The following TNIK variants were observed in gnomAD, a reference collection of about 807,000 sequenced individuals.
TNIK encodes the protein TRAF2 and NCK-interacting protein kinase.
In TNIK, 49 loss-of-function variants were observed where a neutral mutation model predicts 191.3. The observed-to-expected ratio is 0.26, with a 90% CI of 0.20 to 0.32. The LOEUF is 0.32. Among genes scored for constraint, TNIK ranks in the 10% least tolerant of loss-of-function variants. The pLI is 1.00. For synonymous variants in TNIK, 594 were observed against 600.9 expected, an observed-to-expected ratio of 0.99 and a Z score of 0.17; for missense variants, 1,155 against 1,702.3, an observed-to-expected ratio of 0.68 and a Z score of 5.66.
chr3:171,087,387 C>G lies in TNIK; in HGVS notation c.2841G>C (p.Leu947=). 2 of 1,613,992 alleles carry G rather than the reference C, an allele frequency of 1.2e-6. No individual in the cohort carries two copies. Among genetic ancestry groups the G allele is most frequent in the Non-Finnish European group, 1.7e-6 (2 of 1,179,888 alleles). Residue 947 remains leucine (L), a synonymous_variant, in exon 24 of 33, where the codon CTG becomes CTC. Coordinates refer to ENST00000436636, the MANE Select transcript of TNIK (RefSeq NM_015028.4). ...CCTGGGAATGGGTTGAGACGCGCCC[C>G]AGTCCCTCAGTCGGGGTTCCAGCTG... ...HSPAGTPTEG[L]GRVSTHSQEM...
At chr3:171,382,736 C>T (rs1023171838) in intron 1 of TNIK, among the ~76,000 whole-genome samples, 83 of 152,130 alleles carry the variant, frequency 5.5e-4, no homozygotes, top group African/African-American at 2.0e-3. Context: ...TAGTCTGGTA[C>T]TTGGATAGCT....
At chr3:171,394,613 A>G (rs1719993929) in intron 1 of TNIK, among the ~76,000 whole-genome samples, 1 of 152,220 alleles carries the variant, frequency 6.6e-6, no homozygotes, top group Admixed American at 6.5e-5. Context: ...AACAAACCTT[A>G]TGACATCTCA....
intron 11 of TNIK, among the ~76,000 whole-genome samples, chr3:171,158,600 AAC>A (rs1733541145): frequency 6.6e-6 from 1 of 152,188 alleles, no homozygotes; most frequent in African/African-American, 2.4e-5. Context: ...AAATCTATTA[AAC>A]ACATATTTAC....
chr3:171,266,737 A>G (rs1748446789), intron 2 of TNIK, among the ~76,000 whole-genome samples: 1 of 152,206 alleles, frequency 6.6e-6, no homozygotes, highest in African/African-American at 2.4e-5. Flanking sequence ...ATCTGAAAAA[A>G]TTATAGAGTG....
chr3:171,113,860 G>A (rs1726254458), intron 18 of TNIK, among the ~76,000 whole-genome samples: 1 of 151,788 alleles, frequency 6.6e-6, no homozygotes, highest in Admixed American at 6.6e-5. Flanking sequence ...TGCTTTGCCT[G>A]CGTTGAGCAC....
At chr3:171,244,601 T>C (rs1324574344) in intron 2 of TNIK, among the ~76,000 whole-genome samples, 1 of 152,086 alleles carries the variant, frequency 6.6e-6, no homozygotes, top group Non-Finnish European at 1.5e-5. Flanking sequence ...TCTGGTCACA[T>C]ACTATTTCTA....
chr3:171,341,988 T>C (rs1050495107), intron 2 of TNIK, among the ~76,000 whole-genome samples: 2 of 152,228 alleles, frequency 1.3e-5, no homozygotes, highest in Admixed American at 6.5e-5. Context: ...ATTTTTATTA[T>C]GAAGAAAACC....
chr3:171,427,649 G>A (rs571233830), intron 1 of TNIK, among the ~76,000 whole-genome samples: 1 of 152,114 alleles, frequency 6.6e-6, no homozygotes, highest in East Asian at 1.9e-4. Context: ...GCTTTCTCTC[G>A]CATTAGTTAA....
chr3:171,251,232 C>T (rs1436223341), intron 2 of TNIK, among the ~76,000 whole-genome samples: 1 of 152,080 alleles, frequency 6.6e-6, no homozygotes, highest in African/African-American at 2.4e-5. Context: ...CAACAGAGAC[C>T]GGGACACAGA....
intron 18 of TNIK, among the ~76,000 whole-genome samples, chr3:171,120,052 A>C (rs1385479609): frequency 6.6e-6 from 1 of 152,220 alleles, no homozygotes; most frequent in Non-Finnish European, 1.5e-5. Context: ...AAGGATATTC[A>C]AAATAGTAAA....
In TNIK at chr3:171,334,983, T is replaced by C. The variant is rs566458173; in HGVS notation, c.123+34637A>G. Reference sequence around the variant, plus strand: ...GTCATTTGAAGTGACTTTCAGAGTCTTCAGAGATACAAATAAACAATGCAC... The same window carrying C: ...GTCATTTGAAGTGACTTTCAGAGTCCTCAGAGATACAAATAAACAATGCAC... On this transcript the variant is annotated intron_variant, in intron 2 of 32. Coordinates refer to ENST00000436636, the MANE Select transcript of TNIK (RefSeq NM_015028.4). 2.0e-5 allele frequency among the ~76,000 whole-genome samples: 3 copies of C among 150,798 alleles called. No homozygotes were observed. In the South Asian group the frequency reaches 6.3e-4, roughly 32 times the overall value.
At chr3:171,219,063 T>C (rs1270757204) in intron 3 of TNIK, among the ~76,000 whole-genome samples, 1 of 51,964 alleles carries the variant, frequency 1.9e-5, no homozygotes, top group African/African-American at 1.2e-4. Flanking sequence ...ATATAATATA[T>C]TAAATATATA....
intron 18 of TNIK, among the ~76,000 whole-genome samples, chr3:171,118,180 C>T (rs1727064521): frequency 6.6e-6 from 1 of 152,154 alleles, no homozygotes; most frequent in Non-Finnish European, 1.5e-5. Context: ...AGTGAACTCC[C>T]ATTCACAATT....
intron 2 of TNIK, among the ~76,000 whole-genome samples, chr3:171,288,396 G>A (rs988301914): frequency 6.6e-6 from 1 of 151,692 alleles, no homozygotes; most frequent in Admixed American, 6.6e-5. Context: ...CCACAGAAAC[G>A]AACTTTCCAG....
intron 4 of TNIK, among the ~76,000 whole-genome samples, chr3:171,210,491 A>C (rs909851898): frequency 1.8e-4 from 27 of 152,232 alleles, no homozygotes; most frequent in African/African-American, 6.5e-4. Context: ...GGACTGTGGC[A>C]CATACCTAAG....
At chr3:171,410,281 C>T (rs1410970200) in intron 1 of TNIK, among the ~76,000 whole-genome samples, 2 of 152,292 alleles carry the variant, frequency 1.3e-5, no homozygotes, top group Admixed American at 6.5e-5. Flanking sequence ...GTAGCTTTTA[C>T]TTTGCAGCTG....
intron 3 of TNIK, among the ~76,000 whole-genome samples, chr3:171,221,911 G>T (rs926500560): frequency 6.6e-6 from 1 of 152,038 alleles, no homozygotes; most frequent in African/African-American, 2.4e-5. Context: ...ACAACTACAG[G>T]ATTTTAATGC....
At chr3:171,148,181 C>T (rs1046329282) in intron 12 of TNIK, among the ~76,000 whole-genome samples, 5 of 152,192 alleles carry the variant, frequency 3.3e-5, no homozygotes, top group African/African-American at 1.2e-4. Flanking sequence ...TTTCTTTGTG[C>T]TCACAGGCCA....
At chr3:171,357,841 G>T (rs753191330) in intron 2 of TNIK, among the ~76,000 whole-genome samples, 3 of 152,144 alleles carry the variant, frequency 2.0e-5, no homozygotes, top group Admixed American at 6.5e-5. Flanking sequence ...CGAATGCCCC[G>T]CAATGTGCTA....
Sources: allele counts gnomAD v4.1 joint callset (sites outside exome capture counted in the v4.1 genomes callset), GRCh38; gene constraint gnomAD v4.1.1; transcripts MANE v1.5; gene names NCBI Gene and HGNC (gene_info 2026-07-23, HGNC 2026-07-21).